Variants in LRBA observed in about 807,000 individuals in gnomAD.
The protein encoded by LRBA is LPS responsive beige-like anchor protein.
LRBA carries 176 observed loss-of-function variants against 330.0 expected under a neutral mutation model. The ratio of observed to expected loss-of-function variants is 0.53; its 90% CI spans 0.47 to 0.60. The LOEUF (loss-of-function observed/expected upper bound fraction) is 0.60. Among genes scored for constraint, LRBA ranks in the 20% least tolerant of loss-of-function variants. The pLI is 0.00. For synonymous variants in LRBA, 1,230 were observed against 1,193.0 expected, an observed-to-expected ratio of 1.03 and a Z score of -0.64; for missense variants, 3,259 against 3,444.8, an observed-to-expected ratio of 0.95 and a Z score of 1.35.
intron 44 of LRBA, among the ~76,000 whole-genome samples, chr4:150,443,411 C>T (rs892837339): frequency 2.0e-5 from 3 of 152,074 alleles, no homozygotes; most frequent in Non-Finnish European, 2.9e-5. Flanking sequence ...ACATTTACTG[C>T]GGCACTACTC....
intron 44 of LRBA, among the ~76,000 whole-genome samples, chr4:150,465,166 G>A (rs1018166833): frequency 6.6e-6 from 1 of 151,856 alleles, no homozygotes; most frequent in South Asian, 2.1e-4. Flanking sequence ...TGCCTTTTTG[G>A]GACTGGCTTA....
intron 31 of LRBA, among the ~76,000 whole-genome samples, chr4:150,814,066 T>C (rs1272358780): frequency 6.6e-6 from 1 of 152,026 alleles, no homozygotes; most frequent in Non-Finnish European, 1.5e-5. Context: ...AAATATTGTA[T>C]TGAAAGTGAA....
intron 47 of LRBA, among the ~76,000 whole-genome samples, chr4:150,410,404 C>T (rs974602625): frequency 4.6e-5 from 7 of 152,316 alleles, no homozygotes; most frequent in African/African-American, 1.7e-4. Context: ...AACTTGTCCA[C>T]ATATTCTCTG....
chr4:150,732,097 A>T (rs1315357736), intron 36 of LRBA, among the ~76,000 whole-genome samples: 1 of 152,124 alleles, frequency 6.6e-6, no homozygotes, highest in East Asian at 1.9e-4. Context: ...TTAAAAACTG[A>T]AGCCATCAAC....
intron 40 of LRBA, among the ~76,000 whole-genome samples, chr4:150,521,328 T>C (rs780777684): frequency 1.4e-4 from 21 of 152,196 alleles, no homozygotes; most frequent in Non-Finnish European, 2.8e-4. Flanking sequence ...GTTCTCTATA[T>C]TGTTATTTAT....
At chr4:150,354,946 GTA>G (rs555632193) in intron 47 of LRBA, among the ~76,000 whole-genome samples, 8 of 151,408 alleles carry the variant, frequency 5.3e-5, no homozygotes, top group South Asian at 2.1e-4. Context: ...GTGTGTGTGT[GTA>G]TATATATATG....
chr4:150,513,752 T>C (rs541835962), intron 40 of LRBA, among the ~76,000 whole-genome samples: 16 of 152,304 alleles, frequency 1.1e-4, no homozygotes, highest in African/African-American at 2.4e-4. Flanking sequence ...TCCTATCAGA[T>C]TGGGGCCGCA....
intron 40 of LRBA, among the ~76,000 whole-genome samples, chr4:150,542,270 G>T (rs1765392251): frequency 6.6e-6 from 1 of 152,032 alleles, no homozygotes; most frequent in South Asian, 2.1e-4. Flanking sequence ...GGACTACCTG[G>T]GTTCAAAACT....
At chr4:150,402,014 G>A (rs1745538561) in intron 47 of LRBA, among the ~76,000 whole-genome samples, 1 of 151,824 alleles carries the variant, frequency 6.6e-6, no homozygotes, top group South Asian at 2.1e-4. Flanking sequence ...GAATTCTGTG[G>A]GCACGGCGGC....
intron 42 of LRBA, among the ~76,000 whole-genome samples, chr4:150,474,361 A>G (rs1756479585): frequency 6.6e-6 from 1 of 152,174 alleles, no homozygotes; most frequent in Non-Finnish European, 1.5e-5. Context: ...ACAATTGAAG[A>G]CTGAGTACAA....
intron 53 of LRBA, among the ~76,000 whole-genome samples, chr4:150,301,591 T>C (rs531503894): frequency 1.6e-4 from 23 of 145,826 alleles, no homozygotes; most frequent in African/African-American, 5.3e-4. Context: ...TTTGACTAAA[T>C]GTTTTGAAAA....
At chr4:150,978,877 T>C (rs1250828162) in intron 2 of LRBA, among the ~76,000 whole-genome samples, 2 of 152,098 alleles carry the variant, frequency 1.3e-5, no homozygotes, top group Non-Finnish European at 2.9e-5. Flanking sequence ...GAATGAAGCA[T>C]GCCTACAAGA....
rs536876793 is a variant in LRBA, at chr4:150,369,080, T to C, written c.7195-18921A>G. On this transcript the variant is annotated intron_variant, in intron 47 of 56. Transcript: ENST00000651943. ...ATTAATTAAACACTGGTTATAAGAC[T>C]CAATATTCCTAGTAGATAAATAGAT... Among the ~76,000 whole-genome samples, 3 of 152,290 alleles carry C rather than the reference T, an allele frequency of 2.0e-5. No individual in the cohort carries two copies. The East Asian group carries it at 5.8e-4, about 29-fold the overall frequency.
At chr4:150,876,019 C>T (rs549188960) in intron 17 of LRBA, among the ~76,000 whole-genome samples, 1 of 152,244 alleles carries the variant, frequency 6.6e-6, no homozygotes, top group South Asian at 2.1e-4. Flanking sequence ...TGGGATTAAA[C>T]ATCTTAAAAA....
intron 35 of LRBA, among the ~76,000 whole-genome samples, chr4:150,747,309 G>C (rs893110450): frequency 5.9e-5 from 9 of 152,186 alleles, no homozygotes; most frequent in Admixed American, 1.3e-4. Context: ...CTACCAACGT[G>C]TATCAGTCTC....
chr4:150,725,431 CAT>C (rs1157053804), intron 36 of LRBA, among the ~76,000 whole-genome samples: 1 of 152,166 alleles, frequency 6.6e-6, no homozygotes, highest in Admixed American at 6.5e-5. Flanking sequence ...AGTGGCAAGA[CAT>C]ATTTAAAGTG....
chr4:150,385,534 T>A, intron 47 of LRBA, among the ~76,000 whole-genome samples: 1 of 150,316 alleles, frequency 6.7e-6, no homozygotes, highest in South Asian at 2.1e-4. Flanking sequence ...AAGAGAAAAA[T>A]AAAAGGAGAG....
chr4:150,272,438 G>C (rs187716409), intron 56 of LRBA, among the ~76,000 whole-genome samples: 1 of 152,088 alleles, frequency 6.6e-6, no homozygotes, highest in Admixed American at 6.6e-5. Context: ...ACAACTCCTT[G>C]CCAGAAAAAT....
chr4:150,914,213 C>T lies in LRBA; in HGVS notation c.1143G>A (p.Gln381=), dbSNP rs781650922. ...AAACTACCTTGTATCCCAGGCCCAA[C>T]TGATAAATAGCAAATATCTGAGCTG... ...LNAAQIFAIY[Q]LGLGYKGTFK... Residue 381 remains glutamine (Q), a synonymous_variant, in exon 9 of 57, where the codon CAG becomes CAA. Coordinates refer to ENST00000651943, the MANE Select transcript of LRBA (RefSeq NM_001364905.1). 6.2e-7 allele frequency: 1 copy of T among 1,607,228 alleles called. No individual in the cohort carries two copies. Among genetic ancestry groups the T allele is most frequent in the Non-Finnish European group, 8.5e-7 (1 of 1,176,472 alleles).
Sources: gnomAD v4.1 joint callset for allele counts (sites outside exome capture counted in the v4.1 genomes callset) on GRCh38, gnomAD v4.1.1 for gene constraint, MANE v1.5 for transcripts, NCBI Gene and HGNC (gene_info 2026-07-23, HGNC 2026-07-21) for gene names.